The following SLC1A1 variants were observed in gnomAD, a reference collection of about 807,000 sequenced individuals.
SLC1A1 encodes solute carrier family 1 member 1.
In SLC1A1, 43 loss-of-function variants were observed where a neutral mutation model predicts 53.3. That is an observed-to-expected ratio of 0.81 (90% CI 0.63 to 1.04). The LOEUF (loss-of-function observed/expected upper bound fraction) is 1.04, where lower values mean the gene tolerates loss of function less well. Among genes scored for constraint, SLC1A1 ranks in the 50% least tolerant of loss-of-function variants. The probability of loss-of-function intolerance (pLI) is 0.00; values close to 1 mark genes in which losing one functional copy is unlikely to be tolerated. For synonymous variants in SLC1A1, 307 were observed against 243.2 expected (o/e 1.26, Z -2.44); for missense variants, 748 against 664.9 (o/e 1.12, Z -1.37).
At chr9:4,510,179 A>G (rs1195902852) in intron 1 of SLC1A1, among the ~76,000 whole-genome samples, 1 of 152,192 alleles carries the variant, frequency 6.6e-6, no homozygotes, top group African/African-American at 2.4e-5. Flanking sequence ...GCTTAAGGGC[A>G]TTATGGGAAA....
At chr9:4,580,601 ATGTGTGTGTG>A (rs71326118) in intron 10 of SLC1A1, among the ~76,000 whole-genome samples, 40 of 69,692 alleles carry the variant, frequency 5.7e-4, no homozygotes, top group South Asian at 1.7e-3. Flanking sequence ...AAAAATATAT[ATGTGTGTGTG>A]TGTGTGTGTG....
intron 2 of SLC1A1, among the ~76,000 whole-genome samples, chr9:4,548,548 T>TA (rs934197973): frequency 3.3e-5 from 5 of 152,140 alleles, no homozygotes; most frequent in African/African-American, 9.7e-5. Context: ...CTGGTGAGAT[T>TA]AAAAAAATAC....
chr9:4,518,573 G>C (rs1258271518), intron 1 of SLC1A1, among the ~76,000 whole-genome samples: 1 of 152,126 alleles, frequency 6.6e-6, no homozygotes, highest in Non-Finnish European at 1.5e-5. Context: ...TCCCTCTGTA[G>C]ACATCTTTCA....
At chr9:4,510,812 G>A (rs1406924380) in intron 1 of SLC1A1, among the ~76,000 whole-genome samples, 4 of 152,166 alleles carry the variant, frequency 2.6e-5, no homozygotes, top group Non-Finnish European at 5.9e-5. Context: ...AAAGGAACAT[G>A]GTGATCTGAT....
intron 5 of SLC1A1, 25 bp from the exon 6 acceptor site, chr9:4,567,644 G>A (rs771106661): frequency 1.3e-6 from 2 of 1,508,052 alleles, no homozygotes; most frequent in East Asian, 2.3e-5. Context: ...TTGTTTGCTT[G>A]TCCTTGATTT....
intron 1 of SLC1A1, among the ~76,000 whole-genome samples, chr9:4,543,918 C>T (rs1349905281): frequency 2.6e-5 from 4 of 152,134 alleles, no homozygotes; most frequent in Non-Finnish European, 5.9e-5. Context: ...GTGGTTCACA[C>T]CTGTAATCCC....
intron 1 of SLC1A1, among the ~76,000 whole-genome samples, chr9:4,527,406 G>A (rs942415302): frequency 1.3e-5 from 2 of 152,164 alleles, no homozygotes; most frequent in African/African-American, 2.4e-5. Context: ...GAAAACTAAT[G>A]CAGTAGCTCT....
At chr9:4,532,467 T>C (rs1816510262) in intron 1 of SLC1A1, among the ~76,000 whole-genome samples, 1 of 152,022 alleles carries the variant, frequency 6.6e-6, no homozygotes, top group Non-Finnish European at 1.5e-5. Flanking sequence ...GTATCAGTGA[T>C]GGAAGATGAA....
In SLC1A1 at chr9:4,537,589, A is replaced by T. The variant is rs1205361933; in HGVS notation, c.92-6978A>T. Among the ~76,000 whole-genome samples, 29 of 139,764 alleles carry T rather than the reference A, an allele frequency of 2.1e-4. 3 individuals carry two copies. The highest frequency in any genetic ancestry group is 1.3e-3 in the East Asian group (6 of 4,774). The allele number at this position is 139,764 out of a possible 152,430, so 91.7% of individuals were successfully genotyped here. A position where few individuals can be genotyped will look rare whatever the true frequency, so the allele number is the denominator to read the frequency against. On this transcript the variant is annotated intron_variant, in intron 1 of 11. Transcript: ENST00000262352. ...TCAAAAAAATAAAATAAAATAAAATAAAATAAAATAAAAAAAAAAAAAATC... is the reference window on the plus strand; with the variant it reads ...TCAAAAAAATAAAATAAAATAAAATTAAATAAAATAAAAAAAAAAAAAATC...
intron 11 of SLC1A1, among the ~76,000 whole-genome samples, chr9:4,584,285 T>A (rs747377008): frequency 6.6e-6 from 1 of 152,270 alleles, no homozygotes; most frequent in African/African-American, 2.4e-5. Flanking sequence ...AGTAGCTAAC[T>A]GGGCTATAGG....
In SLC1A1 at chr9:4,549,668, T is replaced by C. The variant is rs966072561; in HGVS notation, c.232+4961T>C. On this transcript the variant is annotated intron_variant, in intron 2 of 11. Coordinates refer to ENST00000262352, the MANE Select transcript of SLC1A1 (RefSeq NM_004170.6). The surrounding 1 kb of genome is among the most constrained non-coding windows in gnomAD (Gnocchi z 4.1). ...TCCTGTCCTGACCTGGAGTGACCTC[T>C]TCCTGGGATGCTTGCCATTGTGGAA... Among the ~76,000 whole-genome samples, 1 of 152,166 alleles carries C rather than the reference T, an allele frequency of 6.6e-6. No homozygotes were observed. Among genetic ancestry groups the C allele is most frequent in the Non-Finnish European group, 1.5e-5 (1 of 68,016 alleles).
chr9:4,560,127 T>G (rs1818792257), intron 2 of SLC1A1: 1 of 152,230 alleles, frequency 6.6e-6, no homozygotes, highest in Non-Finnish European at 1.5e-5. Context: ...TTTATTAATA[T>G]CTTTCCTTTT....
intron 2 of SLC1A1, among the ~76,000 whole-genome samples, chr9:4,557,552 G>T (rs1004162135): frequency 6.6e-6 from 1 of 151,214 alleles, no homozygotes; most frequent in Non-Finnish European, 1.5e-5. Context: ...TTGGGAGGCC[G>T]AGGTGGGAGG....
chr9:4,578,525 G>A (rs1003461911), intron 10 of SLC1A1, among the ~76,000 whole-genome samples: 1 of 152,192 alleles, frequency 6.6e-6, no homozygotes, highest in Non-Finnish European at 1.5e-5. Context: ...GAAAACCCAA[G>A]AGGGAGAGGG....
intron 2 of SLC1A1, among the ~76,000 whole-genome samples, chr9:4,544,918 T>G (rs547985689): frequency 6.6e-6 from 1 of 152,132 alleles, no homozygotes; most frequent in Non-Finnish European, 1.5e-5. Context: ...GGAGAAAGGC[T>G]GGGCGAAGCA....
In SLC1A1 at chr9:4,576,585, G is replaced by T; in HGVS notation, c.1015G>T (p.Val339Phe). 1 of 1,614,108 alleles carries T rather than the reference G, an allele frequency of 6.2e-7. No homozygotes were observed. The highest frequency in any genetic ancestry group is 8.5e-7 in the Non-Finnish European group (1 of 1,179,944). Residue 339 changes from valine (V) to phenylalanine (F), a missense_variant, in exon 10 of 12, where the codon GTC (valine) becomes TTC (phenylalanine). Val to Phe is a conservative substitution (Grantham distance 50). Transcript: ENST00000262352. ...ATCACACAGTTCAGCAACACTGCCTGTCACCTTCCGCTGTGCTGAAGAAAA... is the reference window on the plus strand; with the variant it reads ...ATCACACAGTTCAGCAACACTGCCTTTCACCTTCCGCTGTGCTGAAGAAAA... Reference protein sequence around the residue: ...MISSSSATLPVTFRCAEENNQ... With the variant: ...MISSSSATLPFTFRCAEENNQ...
At chr9:4,537,218 TG>T (rs1816707536) in intron 1 of SLC1A1, among the ~76,000 whole-genome samples, 1 of 151,380 alleles carries the variant, frequency 6.6e-6, no homozygotes, top group Non-Finnish European at 1.5e-5. Flanking sequence ...ATGTTTAATG[TG>T]GGGGAAATGC....
At chr9:4,521,292 C>G (rs1438943470) in intron 1 of SLC1A1, among the ~76,000 whole-genome samples, 1 of 152,140 alleles carries the variant, frequency 6.6e-6, no homozygotes, top group Non-Finnish European at 1.5e-5. Context: ...CAGGTACTAC[C>G]TCCTATTTAC....
At chr9:4,520,684 G>A (rs530837128) in intron 1 of SLC1A1, among the ~76,000 whole-genome samples, 1 of 152,242 alleles carries the variant, frequency 6.6e-6, no homozygotes, top group East Asian at 1.9e-4. Flanking sequence ...CACTTAGATT[G>A]TTTTCACATT....
Sources: gnomAD v4.1 joint callset for allele counts (sites outside exome capture counted in the v4.1 genomes callset) on GRCh38, gnomAD v4.1.1 for gene constraint, Gnocchi (gnomAD v3.1) non-coding constraint, MANE v1.5 for transcripts, NCBI Gene and HGNC (gene_info 2026-07-23, HGNC 2026-07-21) for gene names.